The following SERPINA3 variants were observed in gnomAD, a reference collection of about 807,000 sequenced individuals.
The protein encoded by SERPINA3 is alpha-1-antichymotrypsin.
SERPINA3 carries 32 observed loss-of-function variants against 26.8 expected under a neutral mutation model. The observed-to-expected ratio is 1.20, with a 90% CI of 0.90 to 1.61. The LOEUF (loss-of-function observed/expected upper bound fraction) is 1.61, where lower values mean the gene tolerates loss of function less well. SERPINA3 is among the 40% of genes most tolerant of loss of function. SERPINA3 has a pLI of 0.00. For missense variants in SERPINA3, 632 were observed against 517.9 expected, an observed-to-expected ratio of 1.22 and a Z score of -2.14; for synonymous variants, 252 against 206.4, an observed-to-expected ratio of 1.22 and a Z score of -1.89.
At chr14:94,614,064 G>A in intron 1 of SERPINA3, 1 of 266,914 alleles carries the variant, frequency 3.7e-6, no homozygotes, top group Non-Finnish European at 7.3e-6. Flanking sequence ...AGCAGGAGAG[G>A]AGCAGGCATT....
Position 94,614,861 on chromosome 14 carries a change from C to T in SERPINA3, c.420C>T (p.Ala140=), listed in dbSNP as rs1194710774. ...SDELQLSMGN[A]MFVKEQLSLL... is the part of the protein sequence containing the mutation. The stretch of plus-strand genomic sequence containing the variant: ...AGCTGCAGCTGAGTATGGGAAATGC[C>T]ATGTTTGTCAAAGAGCAACTCAGTC... The change falls in exon 2 of 5, where the codon GCC becomes GCT. Residue 140 remains alanine (A), a synonymous_variant. Coordinates refer to ENST00000393078, the MANE Select transcript of SERPINA3 (RefSeq NM_001085.5). 6.2e-7 allele frequency: 1 copy of T among 1,614,172 alleles called. No homozygotes were observed.
chr14:94,612,646 G>T (rs960796529), intron 1 of SERPINA3, among the ~76,000 whole-genome samples, 199 bp downstream of exon 1: 1 of 152,180 alleles, frequency 6.6e-6, no homozygotes, highest in Non-Finnish European at 1.5e-5. Flanking sequence ...TCTGTGTCTG[G>T]GTTTTCACAC....
chr14:94,612,474 G>A, intron 1 of SERPINA3, 27 bp downstream of exon 1: 1 of 1,318,084 alleles, frequency 7.6e-7, no homozygotes, highest in Non-Finnish European at 1.0e-6. Flanking sequence ...TACATCCTGG[G>A]AGCGGAGGAA....
Position 94,612,409 on chromosome 14 carries a change from C to G in SERPINA3, c.-47C>G. On this transcript the variant is annotated 5_prime_UTR_variant, in exon 1 of 5. Coordinates refer to ENST00000393078, the MANE Select transcript of SERPINA3 (RefSeq NM_001085.5). The stretch of plus-strand genomic sequence containing the variant: ...AAAATCCACTACTCCAGACAGACGG[C>G]TTTGGAATCCACCAGCTACATCCAG... The G allele has an allele frequency of 2.2e-6, 3 of 1,366,142 alleles. No individual in the cohort carries two copies. The highest frequency in any genetic ancestry group is 2.9e-6 in the Non-Finnish European group (3 of 1,021,640). 84.6% of individuals were successfully genotyped at this position (1,366,142 alleles called of 1,614,324 possible).
At chr14:94,622,134 G>A (rs1413291846) in intron 3 of SERPINA3, among the ~76,000 whole-genome samples, 1 of 152,230 alleles carries the variant, frequency 6.6e-6, no homozygotes, top group Admixed American at 6.5e-5. Context: ...GTGCTGCCTG[G>A]AGACTTTCAC....
intron 4 of SERPINA3, chr14:94,622,754 C>G: frequency 3.8e-6 from 2 of 519,996 alleles, no homozygotes; most frequent in Non-Finnish European, 7.0e-6. Flanking sequence ...CACACTATAC[C>G]ATTTACTATC....
intron 3 of SERPINA3, among the ~76,000 whole-genome samples, chr14:94,621,206 A>G (rs1160424596): frequency 1.3e-5 from 2 of 152,102 alleles, no homozygotes; most frequent in Non-Finnish European, 2.9e-5. Context: ...GGTCCTACCC[A>G]ACCCATCCGT....
chr14:94,622,807 T>C, intron 4 of SERPINA3: 1 of 416,132 alleles, frequency 2.4e-6, no homozygotes, highest in Non-Finnish European at 4.5e-6. Flanking sequence ...CAGCTTTCCA[T>C]GTGTCAAATG....
chr14:94,615,234 A>G, intron 2 of SERPINA3, 150 bp downstream of exon 2: 1 of 882,756 alleles, frequency 1.1e-6, no homozygotes, highest in Admixed American at 1.9e-5. Flanking sequence ...CCCTGCCCAT[A>G]GGCATCGCCG....
intron 4 of SERPINA3, among the ~76,000 whole-genome samples, chr14:94,623,278 T>C (rs766386943): frequency 3.3e-5 from 5 of 152,316 alleles, no homozygotes; most frequent in Non-Finnish European, 7.4e-5. Context: ...TTTACATTGT[T>C]CTTGCTCTTC....
intron 4 of SERPINA3, among the ~76,000 whole-genome samples, chr14:94,623,086 G>C (rs1048851857): frequency 1.3e-5 from 2 of 152,192 alleles, no homozygotes; most frequent in South Asian, 2.1e-4. Flanking sequence ...AGAGGGTTGT[G>C]TGTAGAGGAG....
In SERPINA3 at chr14:94,624,038, A is replaced by G. The variant is rs765935597; in HGVS notation, c.*224A>G. Reference sequence around the variant, plus strand: ...GGGTCCTGGGCCTCCTGACAGCAATAAATAATTTCGTTGGACACGTTGCTT... The same window carrying G: ...GGGTCCTGGGCCTCCTGACAGCAATGAATAATTTCGTTGGACACGTTGCTT... On this transcript the variant is annotated 3_prime_UTR_variant, in exon 5 of 5. Coordinates refer to ENST00000393078, the MANE Select transcript of SERPINA3 (RefSeq NM_001085.5). The G allele has an allele frequency of 6.7e-6, 4 of 597,366 alleles. No homozygotes were observed. Among genetic ancestry groups the G allele is most frequent in the Non-Finnish European group, 1.2e-5 (4 of 335,418 alleles). The allele number at this position is 597,366 out of a possible 1,614,324, so 37.0% of individuals were successfully genotyped here.
At chr14:94,619,535 C>T in intron 3 of SERPINA3, 67 bp downstream of exon 3, 1 of 1,593,168 alleles carries the variant, frequency 6.3e-7, no homozygotes. Flanking sequence ...TGTCCAGGGA[C>T]AAGGGCATGG....
chr14:94,614,049 C>T (rs1885882466), intron 1 of SERPINA3: 1 of 242,338 alleles, frequency 4.1e-6, no homozygotes, highest in African/African-American at 2.2e-5. Flanking sequence ...GAGATCTGCT[C>T]ACCAAGCAGG....
At position 94,614,948 on chromosome 14, in the gene SERPINA3, C is replaced by G. The variant is rs1566846250; in HGVS notation, c.507C>G (p.Asp169Glu). 1.2e-6 allele frequency: 2 copies of G among 1,613,282 alleles called. No homozygotes were observed. The highest frequency in any genetic ancestry group is 1.3e-5 in the African/African-American group (1 of 75,046). ...ATGGCTCCGAGGCCTTTGCCACTGA[C>G]TTTCAGGACTCAGCTGCAGCTAAGA... The part of the protein sequence containing the change: ...RLYGSEAFAT[D>E]FQDSAAAKKL... Residue 169 changes from aspartate (D) to glutamate (E), a missense_variant, in exon 2 of 5, where the codon GAC becomes GAG. By Grantham distance (45) the Asp-to-Glu change is conservative. Coordinates refer to ENST00000393078, the MANE Select transcript of SERPINA3 (RefSeq NM_001085.5).
intron 2 of SERPINA3, 83 bp from the exon 3 acceptor site, chr14:94,619,112 G>T: frequency 6.6e-7 from 1 of 1,514,792 alleles, no homozygotes; most frequent in Non-Finnish European, 9.2e-7. Context: ...AGGGACTCTG[G>T]GCACTTCCAC....
intron 3 of SERPINA3, among the ~76,000 whole-genome samples, chr14:94,620,127 T>C (rs956878782): frequency 6.6e-6 from 1 of 152,056 alleles, no homozygotes; most frequent in Non-Finnish European, 1.5e-5. Flanking sequence ...CTCGTGTTAG[T>C]TTGTGATTTT....
chr14:94,614,704 C>G lies in SERPINA3; in HGVS notation c.263C>G (p.Ser88Cys). ...ATCTCCACCGCCTTGGCCTTCCTGT[C>G]TCTGGGGGCCCATAATACCACCCTG... ...LSISTALAFLSLGAHNTTLTE... is the reference protein window; with the variant it reads ...LSISTALAFLCLGAHNTTLTE... Residue 88 changes from serine (S) to cysteine (C), a missense_variant, in exon 2 of 5, where the codon TCT becomes TGT. Physicochemically the swap from Ser to Cys is moderately radical, Grantham distance 112. Coordinates refer to ENST00000393078, the MANE Select transcript of SERPINA3 (RefSeq NM_001085.5). 6.2e-7 allele frequency: 1 copy of G among 1,614,196 alleles called. No individual in the cohort carries two copies. Among genetic ancestry groups the G allele is most frequent in the Non-Finnish European group, 8.5e-7 (1 of 1,180,030 alleles).
chr14:94,615,957 G>C (rs1280856572), intron 2 of SERPINA3, among the ~76,000 whole-genome samples: 1 of 152,218 alleles, frequency 6.6e-6, no homozygotes, highest in Non-Finnish European at 1.5e-5. Flanking sequence ...TAGGAGACAT[G>C]AGCTGCTTGG....
Sources: allele counts gnomAD v4.1 joint callset (sites outside exome capture counted in the v4.1 genomes callset), GRCh38; gene constraint gnomAD v4.1.1; transcripts MANE v1.5; gene names NCBI Gene and HGNC (gene_info 2026-07-23, HGNC 2026-07-21).